SLC2A12: variants seen among roughly 807,000 people sequenced by gnomAD.
The protein encoded by SLC2A12 is solute carrier family 2, facilitated glucose transporter member 12.
SLC2A12 carries 23 observed loss-of-function variants against 41.8 expected under a neutral mutation model. That is an observed-to-expected ratio of 0.55 (90% CI 0.40 to 0.78). The LOEUF (loss-of-function observed/expected upper bound fraction) is 0.78, where lower values mean the gene tolerates loss of function less well. Ranked by LOEUF, SLC2A12 falls within the 30% of genes least tolerant of loss-of-function variation. The probability of loss-of-function intolerance (pLI) is 0.00; values close to 1 mark genes in which losing one functional copy is unlikely to be tolerated. For missense variants in SLC2A12, 654 were observed against 745.6 expected (o/e 0.88, Z 1.43); for synonymous variants, 295 against 285.9 (o/e 1.03, Z -0.32).
intron 2 of SLC2A12, among the ~76,000 whole-genome samples, chr6:134,016,760 T>C (rs1000458581): frequency 6.6e-6 from 1 of 152,246 alleles, no homozygotes; most frequent in African/African-American, 2.4e-5. Context: ...CTTGTGGCTA[T>C]GGTATGATTT....
At chr6:134,013,911 AGT>A (rs929820863) in intron 2 of SLC2A12, among the ~76,000 whole-genome samples, 1 of 152,220 alleles carries the variant, frequency 6.6e-6, no homozygotes, top group African/African-American at 2.4e-5. Context: ...GGTAGTAACA[AGT>A]GTGCTTTCTT....
chr6:134,038,162 C>A (rs1299881308), intron 1 of SLC2A12, among the ~76,000 whole-genome samples: 1 of 151,952 alleles, frequency 6.6e-6, no homozygotes, highest in Non-Finnish European at 1.5e-5. Context: ...TTTTCCAACC[C>A]CGGGTTTGAT....
At chr6:134,014,895 T>C (rs1776935004) in intron 2 of SLC2A12, among the ~76,000 whole-genome samples, 1 of 152,236 alleles carries the variant, frequency 6.6e-6, no homozygotes, top group Non-Finnish European at 1.5e-5. Context: ...TAAACTCTAG[T>C]TCTATTAGAT....
At chr6:134,020,557 A>T (rs1777027308) in intron 2 of SLC2A12, among the ~76,000 whole-genome samples, 1 of 152,260 alleles carries the variant, frequency 6.6e-6, no homozygotes, top group Admixed American at 6.5e-5. Flanking sequence ...TTTAGAAAAG[A>T]AAAAGAAACT....
intron 1 of SLC2A12, among the ~76,000 whole-genome samples, chr6:134,043,949 C>T (rs1393303718): frequency 6.6e-6 from 1 of 152,064 alleles, no homozygotes; most frequent in Non-Finnish European, 1.5e-5. Flanking sequence ...CTTCAGATTC[C>T]TTTGTCATCC....
intron 2 of SLC2A12, among the ~76,000 whole-genome samples, chr6:134,024,966 A>G (rs1777094480): frequency 6.6e-6 from 1 of 152,212 alleles, no homozygotes; most frequent in South Asian, 2.1e-4. Flanking sequence ...TATGAAAGTA[A>G]ATGCACAGCA....
chr6:134,000,789 C>G (rs2114424507), intron 4 of SLC2A12, among the ~76,000 whole-genome samples: 1 of 152,282 alleles, frequency 6.6e-6, no homozygotes. Flanking sequence ...ACAATCTCTC[C>G]TTGTGAAATT....
At chr6:134,016,937 T>C (rs955661519) in intron 2 of SLC2A12, among the ~76,000 whole-genome samples, 1 of 152,154 alleles carries the variant, frequency 6.6e-6, no homozygotes, top group Non-Finnish European at 1.5e-5. Flanking sequence ...CAGGTTTAGA[T>C]TGTCACATAT....
intron 1 of SLC2A12, among the ~76,000 whole-genome samples, chr6:134,044,748 G>C (rs1204274061): frequency 1.4e-5 from 2 of 139,114 alleles, no homozygotes; most frequent in Non-Finnish European, 3.1e-5. Context: ...TAATGTCTTA[G>C]ATACATTTTT....
rs541405723 is a variant in SLC2A12, at chr6:134,025,875, G to A, written c.1444+2506C>T. On this transcript the variant is annotated intron_variant, in intron 2 of 4. Transcript: ENST00000275230. ...AGTAATTTTTTCTAAAATCAAATTTGGTTTTCTGAAAAGGAGAACTCTTGC... is the reference window on the plus strand; with the variant it reads ...AGTAATTTTTTCTAAAATCAAATTTAGTTTTCTGAAAAGGAGAACTCTTGC... Among the ~76,000 whole-genome samples, 21 of 152,286 alleles carry A rather than the reference G, an allele frequency of 1.4e-4. No homozygotes were observed. The South Asian group carries it at 4.4e-3, about 32-fold the overall frequency.
chr6:134,049,764 G>T (rs1426475594), intron 1 of SLC2A12, among the ~76,000 whole-genome samples: 1 of 152,198 alleles, frequency 6.6e-6, no homozygotes, highest in Non-Finnish European at 1.5e-5. Flanking sequence ...GTTAAAGAGG[G>T]TTAGTCAAGA....
In SLC2A12 at chr6:134,033,356, C is replaced by T. The variant is rs148712849; in HGVS notation, c.104-3635G>A. ...CATTCATGTCCACGGTTTCCATATT[C>T]CTTTTCCTATGTGATCTTAAAATCC... On this transcript the variant is annotated intron_variant, in intron 1 of 4. Transcript: ENST00000275230. Among the ~76,000 whole-genome samples, 1,147 of 152,234 alleles carry T rather than the reference C, an allele frequency of 7.5e-3. 20 individuals carry two copies. Among genetic ancestry groups the T allele is most frequent in the African/African-American group, 0.026 (1,068 of 41,536 alleles).
chr6:134,047,484 T>G (rs1777473785), intron 1 of SLC2A12, among the ~76,000 whole-genome samples: 1 of 152,108 alleles, frequency 6.6e-6, no homozygotes. Flanking sequence ...AATTTCAAGT[T>G]GGTGGATTCA....
chr6:133,994,541 C>G (rs1346001563), intron 4 of SLC2A12, among the ~76,000 whole-genome samples: 1 of 152,112 alleles, frequency 6.6e-6, no homozygotes, highest in Non-Finnish European at 1.5e-5. Context: ...TCCTGGCTAA[C>G]ATGGTGAAAC....
At chr6:134,051,516 AAG>A (rs1209326973) in intron 1 of SLC2A12, among the ~76,000 whole-genome samples, 2 of 152,218 alleles carry the variant, frequency 1.3e-5, no homozygotes, top group East Asian at 1.9e-4. Context: ...AGTAGTAGGA[AAG>A]AGAAGATTTT....
chr6:134,032,663 A>T (rs1777235777), intron 1 of SLC2A12, among the ~76,000 whole-genome samples: 1 of 146,768 alleles, frequency 6.8e-6, no homozygotes, highest in African/African-American at 2.5e-5. Context: ...ACTTAGGACT[A>T]CTGTTTGATC....
Position 134,028,789 on chromosome 6 carries a change from A to G in SLC2A12, c.1036T>C (p.Phe346Leu). 3 of 1,614,170 alleles carry G rather than the reference A, an allele frequency of 1.9e-6. No homozygotes were observed. The highest frequency in any genetic ancestry group is 2.5e-6 in the Non-Finnish European group (3 of 1,180,020). Residue 346 changes from phenylalanine (F) to leucine (L), a missense_variant, in exon 2 of 5, where the codon TTC (phenylalanine) becomes CTC (leucine). Phe to Leu is a conservative substitution (Grantham distance 22). Coordinates refer to ENST00000275230, the MANE Select transcript of SLC2A12 (RefSeq NM_145176.3). ...LLVDHVGSKTFLCIGSSVMAA... is the reference protein window; with the variant it reads ...LLVDHVGSKTLLCIGSSVMAA... ...ATCACAGAGGAGCCAATGCAGAGGA[A>G]TGTTTTGCTGCCGACATGGTCTACA...
rs1390656161 is a variant in SLC2A12 at position 133,987,645 on chromosome 6, TG to T, written c.*3509del. 4 of 147,658 alleles carry T rather than the reference TG, an allele frequency of 2.7e-5. No homozygotes were observed. The highest frequency in any genetic ancestry group is 7.9e-5 in the African/African-American group (3 of 38,092). 9.1% of individuals were successfully genotyped at this position (147,658 alleles called of 1,614,324 possible). A position where few individuals can be genotyped will look rare whatever the true frequency, so the allele number is the denominator to read the frequency against. ...TATTTTGTGTGTGTGTGTGTGTGTG[TG>T]TGTATATATATATATATATATGCAC... is the stretch of plus-strand genomic sequence containing the variant. On this transcript the variant is annotated 3_prime_UTR_variant, in exon 5 of 5. Coordinates refer to ENST00000275230, the MANE Select transcript of SLC2A12 (RefSeq NM_145176.3).
At chr6:134,023,603 T>C (rs1228881192) in intron 2 of SLC2A12, among the ~76,000 whole-genome samples, 1 of 152,196 alleles carries the variant, frequency 6.6e-6, no homozygotes, top group Non-Finnish European at 1.5e-5. Context: ...TAATTAACGT[T>C]CCTGAGAAAA....
Sources: allele counts gnomAD v4.1 joint callset (sites outside exome capture counted in the v4.1 genomes callset), GRCh38; gene constraint gnomAD v4.1.1; transcripts MANE v1.5; gene names NCBI Gene and HGNC (gene_info 2026-07-23, HGNC 2026-07-21).